Variants in GPC5 observed in about 807,000 individuals in gnomAD.
GPC5 encodes glypican-5.
In GPC5, 47 loss-of-function variants were observed where a neutral mutation model predicts 53.9. The ratio of observed to expected loss-of-function variants is 0.87; its 90% CI spans 0.69 to 1.11. The LOEUF (loss-of-function observed/expected upper bound fraction) is 1.11, where lower values mean the gene tolerates loss of function less well. GPC5 is among the 50% of genes most tolerant of loss of function. The pLI, the probability that GPC5 is intolerant of heterozygous loss-of-function variation, is 0.00. For synonymous variants in GPC5, 286 were observed against 263.3 expected, an observed-to-expected ratio of 1.09 and a Z score of -0.84; for missense variants, 748 against 713.1, an observed-to-expected ratio of 1.05 and a Z score of -0.56.
chr13:92,768,170 C>A (rs370080819), intron 7 of GPC5, among the ~76,000 whole-genome samples: 6 of 152,072 alleles, frequency 3.9e-5, no homozygotes, highest in African/African-American at 1.4e-4. Context: ...TTTTTTCATA[C>A]GTAGAATTTC....
At chr13:92,232,467 A>G (rs905857815) in intron 7 of GPC5, among the ~76,000 whole-genome samples, 8 of 152,224 alleles carry the variant, frequency 5.3e-5, no homozygotes, top group Non-Finnish European at 1.5e-5. Flanking sequence ...AATGTTTTCA[A>G]CTAAGGCTGG....
chr13:92,558,889 G>T (rs1399979964), intron 7 of GPC5, among the ~76,000 whole-genome samples: 1 of 151,972 alleles, frequency 6.6e-6, no homozygotes, highest in Non-Finnish European at 1.5e-5. Context: ...TGTGATCCTG[G>T]TGCTGTGAAG....
chr13:91,760,267 G>A (rs768950308), intron 5 of GPC5, among the ~76,000 whole-genome samples: 13 of 152,080 alleles, frequency 8.5e-5, no homozygotes, highest in Non-Finnish European at 1.3e-4. Flanking sequence ...TTATCTAGGA[G>A]AGTTTCTATA....
At chr13:91,540,131 A>G (rs1444102356) in intron 2 of GPC5, among the ~76,000 whole-genome samples, 3 of 152,246 alleles carry the variant, frequency 2.0e-5, no homozygotes, top group Non-Finnish European at 4.4e-5. Flanking sequence ...AAGCAAAAGC[A>G]ACTTAAGTGC....
intron 7 of GPC5, among the ~76,000 whole-genome samples, chr13:92,359,772 A>C (rs1222179071): frequency 6.6e-6 from 1 of 151,460 alleles, no homozygotes; most frequent in Non-Finnish European, 1.5e-5. Context: ...TATTGTGAGA[A>C]CTCATTCACT....
intron 1 of GPC5, among the ~76,000 whole-genome samples, chr13:91,420,366 T>C (rs1878527033): frequency 6.6e-6 from 1 of 152,192 alleles, no homozygotes; most frequent in Non-Finnish European, 1.5e-5. Flanking sequence ...CTCCTCATAG[T>C]TCCTGGATCA....
intron 2 of GPC5, among the ~76,000 whole-genome samples, chr13:91,623,735 A>C (rs578018363): frequency 9.9e-5 from 15 of 152,242 alleles, no homozygotes; most frequent in South Asian, 4.1e-4. Context: ...GCAGATAACA[A>C]CATAGGACCA....
intron 7 of GPC5, among the ~76,000 whole-genome samples, chr13:92,612,908 A>G (rs1372428050): frequency 6.6e-6 from 1 of 152,088 alleles, no homozygotes; most frequent in Non-Finnish European, 1.5e-5. Flanking sequence ...ATAACAAATG[A>G]CATTTATTTT....
intron 7 of GPC5, among the ~76,000 whole-genome samples, chr13:92,357,404 C>T (rs2043531403): frequency 6.6e-6 from 1 of 151,666 alleles, no homozygotes; most frequent in Non-Finnish European, 1.5e-5. Context: ...TTAAGAATAG[C>T]CATTGTCACT....
At chr13:92,306,825 G>C (rs1249624730) in intron 7 of GPC5, among the ~76,000 whole-genome samples, 2 of 152,090 alleles carry the variant, frequency 1.3e-5, no homozygotes, top group African/African-American at 4.8e-5. Flanking sequence ...TCAAAAGAAG[G>C]GTCCACCTTT....
intron 2 of GPC5, among the ~76,000 whole-genome samples, chr13:91,675,918 T>C (rs1246930495): frequency 6.6e-6 from 1 of 152,008 alleles, no homozygotes; most frequent in Non-Finnish European, 1.5e-5. Flanking sequence ...CACTCCAGGG[T>C]GGTTCGACTT....
chr13:91,618,500 G>T (rs2033760696), intron 2 of GPC5, among the ~76,000 whole-genome samples: 1 of 151,954 alleles, frequency 6.6e-6, no homozygotes. Context: ...CTCTCTCTCA[G>T]CCCACTCATG....
At chr13:92,713,437 A>C (rs1423694760) in intron 7 of GPC5, among the ~76,000 whole-genome samples, 1 of 150,796 alleles carries the variant, frequency 6.6e-6, no homozygotes, top group Non-Finnish European at 1.5e-5. Context: ...CTAAAAAAAA[A>C]AAAAAAAAAA....
intron 7 of GPC5, among the ~76,000 whole-genome samples, chr13:92,753,216 C>T (rs931680618): frequency 6.6e-6 from 1 of 152,182 alleles, no homozygotes; most frequent in Admixed American, 6.5e-5. Flanking sequence ...AGGCACCCCC[C>T]AGCAGGGGCA....
chr13:92,238,781 C>CT (rs71120078), intron 7 of GPC5, among the ~76,000 whole-genome samples: 93,341 of 151,550 alleles, frequency 0.62, 29,273 homozygotes, highest in African/African-American at 0.7. Context: ...TTCAATTTAT[C>CT]TTTTTTTATT....
intron 3 of GPC5, among the ~76,000 whole-genome samples, chr13:91,711,109 A>G (rs145915869): frequency 4.7e-4 from 72 of 152,310 alleles, no homozygotes; most frequent in African/African-American, 1.5e-3. Context: ...CTGGATATAT[A>G]CCCAAAGGAT....
chr13:91,538,225 G>T lies in GPC5; in HGVS notation c.325+89303G>T, dbSNP rs182742190. Among the ~76,000 whole-genome samples, 45 of 152,298 alleles carry T rather than the reference G, an allele frequency of 3.0e-4. 1 individual carries two copies. Among genetic ancestry groups the T allele is most frequent in the African/African-American group, 1.0e-3 (42 of 41,564 alleles). Reference sequence around the variant, plus strand: ...TGGATGCTTGATGCTGGATATCACAGTTGAGCAAGGAGCTGTACATTTTTG... The same window carrying T: ...TGGATGCTTGATGCTGGATATCACATTTGAGCAAGGAGCTGTACATTTTTG... On this transcript the variant is annotated intron_variant, in intron 2 of 7. Coordinates refer to ENST00000377067, the MANE Select transcript of GPC5 (RefSeq NM_004466.6).
intron 7 of GPC5, among the ~76,000 whole-genome samples, chr13:92,305,276 A>C (rs1454831881): frequency 6.6e-6 from 1 of 152,116 alleles, no homozygotes; most frequent in African/African-American, 2.4e-5. Flanking sequence ...GTTAAAGTTA[A>C]CCCATCATAT....
chr13:92,541,102 T>G (rs1363855958), intron 7 of GPC5, among the ~76,000 whole-genome samples: 2 of 151,894 alleles, frequency 1.3e-5, no homozygotes, highest in Admixed American at 1.3e-4. Flanking sequence ...ATGAAGGTTA[T>G]GGCATAGTAT....
Sources: allele counts gnomAD v4.1 joint callset (sites outside exome capture counted in the v4.1 genomes callset), GRCh38; gene constraint gnomAD v4.1.1; transcripts MANE v1.5; gene names NCBI Gene and HGNC (gene_info 2026-07-23, HGNC 2026-07-21).